Variants in SLCO3A1 observed in about 807,000 individuals in gnomAD.
SLCO3A1 encodes the protein solute carrier organic anion transporter family member 3A1, also known as PGE1 transporter.
A neutral mutation model predicts 63.1 loss-of-function variants in SLCO3A1; 27 were observed. That is an observed-to-expected ratio of 0.43 (90% confidence interval 0.32 to 0.59). The LOEUF (loss-of-function observed/expected upper bound fraction) is 0.59. SLCO3A1 is among the 20% of genes least tolerant of loss of function. SLCO3A1 has a pLI of 0.09. For missense variants in SLCO3A1, 773 were observed against 945.8 expected, an observed-to-expected ratio of 0.82 and a Z score of 2.40; for synonymous variants, 473 against 409.9, an observed-to-expected ratio of 1.15 and a Z score of -1.86.
intron 1 of SLCO3A1, among the ~76,000 whole-genome samples, chr15:91,870,183 CT>C (rs1567164232): frequency 6.6e-6 from 1 of 152,158 alleles, no homozygotes; most frequent in East Asian, 1.9e-4. Flanking sequence ...AGAAGAATTT[CT>C]TGTTATTATT....
intron 2 of SLCO3A1, among the ~76,000 whole-genome samples, chr15:92,031,625 C>T (rs1311229657): frequency 6.6e-6 from 1 of 152,184 alleles, no homozygotes; most frequent in East Asian, 1.9e-4. Flanking sequence ...TCATCACCTT[C>T]ACTCTTGGGA....
chr15:91,995,952 G>T, intron 2 of SLCO3A1, among the ~76,000 whole-genome samples: 1 of 152,020 alleles, frequency 6.6e-6, no homozygotes, highest in Non-Finnish European at 1.5e-5. Context: ...ACTTAATTGT[G>T]AACCTTTATA....
At chr15:91,943,595 C>T (rs765996471) in intron 2 of SLCO3A1, among the ~76,000 whole-genome samples, 2 of 152,188 alleles carry the variant, frequency 1.3e-5, no homozygotes, top group Non-Finnish European at 2.9e-5. Flanking sequence ...CTCTTGCTTA[C>T]ACCCAGAAAT....
intron 1 of SLCO3A1, among the ~76,000 whole-genome samples, chr15:91,879,074 A>G (rs747539561): frequency 8.5e-5 from 13 of 152,242 alleles, no homozygotes; most frequent in Admixed American, 2.6e-4. Context: ...CTGAACACAC[A>G]CTTCTACCCA....
At chr15:92,074,210 G>A (rs538888322) in intron 2 of SLCO3A1, among the ~76,000 whole-genome samples, 1 of 152,298 alleles carries the variant, frequency 6.6e-6, no homozygotes, top group East Asian at 1.9e-4. Context: ...AAGCCAGCCT[G>A]TCATGTGTCA....
chr15:91,903,732 G>A (rs1319700104), intron 1 of SLCO3A1, among the ~76,000 whole-genome samples: 1 of 152,198 alleles, frequency 6.6e-6, no homozygotes, highest in Non-Finnish European at 1.5e-5. Flanking sequence ...TCTGTGCTCA[G>A]GAGCAGGGCA....
At chr15:92,072,141 G>A (rs1190284066) in intron 2 of SLCO3A1, among the ~76,000 whole-genome samples, 1 of 151,856 alleles carries the variant, frequency 6.6e-6, no homozygotes, top group Non-Finnish European at 1.5e-5. Context: ...CAAAATGGAG[G>A]CCTTTTGGAA....
At chr15:92,100,680 G>A (rs559727339) in intron 3 of SLCO3A1, among the ~76,000 whole-genome samples, 123 of 152,298 alleles carry the variant, frequency 8.1e-4, no homozygotes, top group Admixed American at 1.1e-3. Flanking sequence ...GCCTGCCTGA[G>A]ACTGCTGTTC....
intron 2 of SLCO3A1, among the ~76,000 whole-genome samples, chr15:91,959,152 AG>A (rs1900344072): frequency 6.6e-6 from 1 of 152,188 alleles, no homozygotes; most frequent in African/African-American, 2.4e-5. Context: ...TGTTATTCTA[AG>A]GGAAGTAGCT....
intron 5 of SLCO3A1, among the ~76,000 whole-genome samples, chr15:92,123,449 C>G (rs1395347667): frequency 6.6e-6 from 1 of 151,696 alleles, no homozygotes; most frequent in Non-Finnish European, 1.5e-5. Context: ...AATGTAAAAC[C>G]CTATCACAAT....
intron 7 of SLCO3A1, among the ~76,000 whole-genome samples, chr15:92,142,757 G>A (rs1419072019): frequency 1.3e-5 from 2 of 152,170 alleles, no homozygotes; most frequent in Admixed American, 6.5e-5. Flanking sequence ...GCTGTAGCCT[G>A]AGATAAAGAT....
At chr15:91,922,145 A>G (rs1436851958) in intron 2 of SLCO3A1, among the ~76,000 whole-genome samples, 1 of 152,142 alleles carries the variant, frequency 6.6e-6, no homozygotes, top group Non-Finnish European at 1.5e-5. Context: ...GATCAAGATG[A>G]AACCAGATAA....
At chr15:91,855,819 T>C (rs1250972196) in intron 1 of SLCO3A1, among the ~76,000 whole-genome samples, 1 of 151,816 alleles carries the variant, frequency 6.6e-6, no homozygotes, top group African/African-American at 2.4e-5. Context: ...TAGAAGGAGG[T>C]AATTAGTATA....
At chr15:91,982,400 A>AT (rs1355395567) in intron 2 of SLCO3A1, among the ~76,000 whole-genome samples, 1 of 152,244 alleles carries the variant, frequency 6.6e-6, no homozygotes, top group African/African-American at 2.4e-5. Flanking sequence ...ACAAATCTGC[A>AT]TTTGCTATAA....
At chr15:91,969,409 G>A (rs1272198763) in intron 2 of SLCO3A1, among the ~76,000 whole-genome samples, 2 of 151,864 alleles carry the variant, frequency 1.3e-5, no homozygotes, top group African/African-American at 4.8e-5. Flanking sequence ...AGGTTCAAGT[G>A]ATTCTCCTGC....
chr15:92,006,526 G>A (rs910290077), intron 2 of SLCO3A1, among the ~76,000 whole-genome samples: 2 of 152,140 alleles, frequency 1.3e-5, no homozygotes, highest in African/African-American at 4.8e-5. Context: ...GTTCATGCTG[G>A]TGACTGTTTC....
chr15:91,952,255 C>G (rs1008163625), intron 2 of SLCO3A1, among the ~76,000 whole-genome samples: 2 of 152,118 alleles, frequency 1.3e-5, no homozygotes, highest in African/African-American at 4.8e-5. Flanking sequence ...TTTGTATTTT[C>G]TGGATACTAG....
At chr15:92,097,253 G>T (rs550147014) in intron 3 of SLCO3A1, among the ~76,000 whole-genome samples, 39 of 151,982 alleles carry the variant, frequency 2.6e-4, no homozygotes, top group Admixed American at 1.9e-3. Context: ...CACAGAGAGG[G>T]GAAGGGATGT....
At chr15:92,099,780 G>GGTGAGA (rs2047582368) in intron 3 of SLCO3A1, among the ~76,000 whole-genome samples, 1 of 152,138 alleles carries the variant, frequency 6.6e-6, no homozygotes, top group Non-Finnish European at 1.5e-5. Context: ...GATCTTGTAA[G>GGTGAGA]GCCAGGCATA....
Sources: allele counts gnomAD v4.1 joint callset (sites outside exome capture counted in the v4.1 genomes callset), GRCh38; gene constraint gnomAD v4.1.1; transcripts MANE v1.5; gene names NCBI Gene and HGNC (gene_info 2026-07-23, HGNC 2026-07-21).